Variants in ACER3 observed in about 807,000 individuals in gnomAD.
ACER3 encodes the protein alkCDase 3.
ACER3 carries 16 observed loss-of-function variants against 48.9 expected under a neutral mutation model. The observed-to-expected ratio is 0.33, with a 90% CI of 0.22 to 0.50. The LOEUF (loss-of-function observed/expected upper bound fraction) is 0.50, where lower values mean the gene tolerates loss of function less well. Ranked by LOEUF, ACER3 falls within the 20% of genes least tolerant of loss-of-function variation. The pLI, the probability that ACER3 is intolerant of heterozygous loss-of-function variation, is 0.98. For missense variants in ACER3, 227 were observed against 326.0 expected (o/e 0.70, Z 2.34); for synonymous variants, 109 against 107.8 (o/e 1.01, Z -0.07).
At chr11:76,913,418 T>C (rs1156741257) in intron 1 of ACER3, among the ~76,000 whole-genome samples, 3 of 152,198 alleles carry the variant, frequency 2.0e-5, no homozygotes, top group Non-Finnish European at 4.4e-5. Flanking sequence ...TGAATCGGAA[T>C]AGTGAGAGAG....
intron 2 of ACER3, among the ~76,000 whole-genome samples, chr11:76,950,820 G>C (rs1947645508): frequency 6.6e-6 from 1 of 152,086 alleles, no homozygotes; most frequent in Non-Finnish European, 1.5e-5. Flanking sequence ...GTTTTCTCTT[G>C]ATAGCCTTGT....
chr11:76,998,798 T>G lies in ACER3; in HGVS notation c.474T>G (p.Leu158=). The G allele has an allele frequency of 6.3e-7, 1 of 1,597,384 alleles. No individual in the cohort carries two copies. The highest frequency in any genetic ancestry group is 1.1e-5 in the South Asian group (1 of 87,878). The change falls in exon 7 of 11, where the codon CTT becomes CTG. Residue 158 remains leucine (L), a synonymous_variant. Coordinates refer to ENST00000532485, the MANE Select transcript of ACER3 (RefSeq NM_018367.7). ...MYGMLVFTLV[L]RSIYIVTWVY... ...GAATGTTGGTCTTTACATTAGTACT[T>G]CGATCTATTTATATTGTTACATGGT...
chr11:76,864,203 T>G (rs1945014350), intron 1 of ACER3, among the ~76,000 whole-genome samples: 1 of 152,194 alleles, frequency 6.6e-6, no homozygotes, highest in Non-Finnish European at 1.5e-5. Context: ...TTGAGCATAT[T>G]GTAAAGACCA....
At chr11:76,991,700 C>T (rs1344780357) in intron 6 of ACER3, among the ~76,000 whole-genome samples, 4 of 150,706 alleles carry the variant, frequency 2.7e-5, no homozygotes. Context: ...CCTGTAATCC[C>T]AACTACTTGG....
Position 76,926,626 on chromosome 11 carries a change from G to A in ACER3, c.173G>A (p.Gly58Asp). The A allele has an allele frequency of 1.9e-6, 3 of 1,607,518 alleles. No homozygotes were observed. Among genetic ancestry groups the A allele is most frequent in the East Asian group, 2.2e-5 (1 of 44,782 alleles). Reference protein sequence around the residue: ...MFGAVQSVRDGLEKRYIASYL... With the variant: ...MFGAVQSVRDDLEKRYIASYL... ...GGTGCAGTTCAGAGTGTTAGAGACGGTCTGGAAAAGCGGTACATTGCTTCT... is the reference window on the plus strand; with the variant it reads ...GGTGCAGTTCAGAGTGTTAGAGACGATCTGGAAAAGCGGTACATTGCTTCT... The change falls in exon 2 of 11, where the codon GGT becomes GAT. Residue 58 changes from glycine (G) to aspartate (D), a missense_variant. Physicochemically the swap from Gly to Asp is moderately conservative, Grantham distance 94. Transcript: ENST00000532485.
At chr11:76,992,478 T>C (rs763080293) in intron 6 of ACER3, among the ~76,000 whole-genome samples, 6 of 152,176 alleles carry the variant, frequency 3.9e-5, no homozygotes, top group Non-Finnish European at 8.8e-5. Context: ...TAATGAAGAT[T>C]TTCTTCCCTA....
chr11:77,001,773 T>G (rs1237904371), intron 7 of ACER3, among the ~76,000 whole-genome samples: 1 of 152,162 alleles, frequency 6.6e-6, no homozygotes, highest in African/African-American at 2.4e-5. Flanking sequence ...TAGCTGTAAG[T>G]TTTTTATAGA....
intron 2 of ACER3, among the ~76,000 whole-genome samples, chr11:76,943,930 G>C (rs1475841341): frequency 7.1e-6 from 1 of 140,170 alleles, no homozygotes; most frequent in South Asian, 2.3e-4. Flanking sequence ...TTTTTTTACT[G>C]TTTTTGATTT....
At chr11:77,005,301 T>C (rs1268199032) in intron 7 of ACER3, among the ~76,000 whole-genome samples, 1 of 152,182 alleles carries the variant, frequency 6.6e-6, no homozygotes, top group African/African-American at 2.4e-5. Context: ...GTGTCTATAG[T>C]GCTTATGTTT....
intron 1 of ACER3, among the ~76,000 whole-genome samples, chr11:76,881,850 A>G (rs1308273685): frequency 6.6e-6 from 1 of 152,028 alleles, no homozygotes; most frequent in Non-Finnish European, 1.5e-5. Context: ...ATAAATTTCT[A>G]TATTTCATTA....
At chr11:76,959,109 C>G (rs757783921) in intron 3 of ACER3, 78 bp downstream of exon 3, 2 of 1,606,106 alleles carry the variant, frequency 1.2e-6, no homozygotes, top group East Asian at 4.5e-5. Context: ...GAGCACATAA[C>G]TATGGCTAAA....
chr11:76,920,326 A>C (rs1338079602), intron 1 of ACER3, among the ~76,000 whole-genome samples: 1 of 152,188 alleles, frequency 6.6e-6, no homozygotes, highest in East Asian at 1.9e-4. Context: ...CCTAGAGGGC[A>C]GAGTTCTGAC....
chr11:76,926,773 A>ATATATTCTGAAACTTCTTAGTTAAAAC, intron 2 of ACER3, 106 bp downstream of exon 2: 1 of 688,240 alleles, frequency 1.5e-6, no homozygotes, highest in Non-Finnish European at 2.4e-6. Context: ...CATAACTTGA[A>ATATATTCTGAAACTTCTTAGTTAAAAC]TATATTCTGA....
intron 2 of ACER3, among the ~76,000 whole-genome samples, chr11:76,936,528 A>T (rs559337098): frequency 6.6e-6 from 1 of 152,312 alleles, no homozygotes; most frequent in African/African-American, 2.4e-5. Flanking sequence ...AAGAAAGGAA[A>T]AGGTTGACAA....
Position 77,020,394 on chromosome 11 carries a change from C to T in ACER3, c.*67C>T. 1 of 1,538,022 alleles carries T rather than the reference C, an allele frequency of 6.5e-7. No homozygotes were observed. The highest frequency in any genetic ancestry group is 8.9e-7 in the Non-Finnish European group (1 of 1,121,216). ...ACCTGGCAGAATAAATAAGGAAATCCTTAAAGATCTACAAGTTCAAATATG... is the reference window on the plus strand; with the variant it reads ...ACCTGGCAGAATAAATAAGGAAATCTTTAAAGATCTACAAGTTCAAATATG... On this transcript the variant is annotated 3_prime_UTR_variant, in exon 11 of 11. Transcript: ENST00000532485.
Position 77,023,084 on chromosome 11 carries a change from C to A in ACER3, c.*2757C>A. 2.5e-6 allele frequency: 1 copy of A among 398,542 alleles called. No homozygotes were observed. The highest frequency in any genetic ancestry group is 4.4e-6 in the Non-Finnish European group (1 of 226,032). The allele number at this position is 398,542 out of a possible 1,614,324, so 24.7% of individuals were successfully genotyped here. A position where few individuals can be genotyped will look rare whatever the true frequency, so the allele number is the denominator to read the frequency against. On this transcript the variant is annotated 3_prime_UTR_variant, in exon 11 of 11. Transcript: ENST00000532485. ...TGCCTGCCCACTACCTACTCCCCAC[C>A]ATGGTGTTTCATGAAACATCCCCAC...
At chr11:76,863,900 T>C (rs539776519) in intron 1 of ACER3, among the ~76,000 whole-genome samples, 5 of 152,210 alleles carry the variant, frequency 3.3e-5, no homozygotes, top group South Asian at 4.1e-4. Flanking sequence ...AAAGCTACTA[T>C]CCATGTTACC....
At position 77,022,856 on chromosome 11, in the gene ACER3, G is replaced by A. The variant is rs1393974213; in HGVS notation, c.*2529G>A. 3 of 288,992 alleles carry A rather than the reference G, an allele frequency of 1.0e-5. No homozygotes were observed. The highest frequency in any genetic ancestry group is 1.7e-4 in the South Asian group (1 of 5,862). 17.9% of individuals were successfully genotyped at this position (288,992 alleles called of 1,614,324 possible). A position where few individuals can be genotyped will look rare whatever the true frequency, so the allele number is the denominator to read the frequency against. The stretch of plus-strand genomic sequence containing the variant: ...GTGAGGCCGGGCATGGTGGCAGAGC[G>A]AGACTCCGTCTCAAAAAAAAAAAAA... On this transcript the variant is annotated 3_prime_UTR_variant, in exon 11 of 11. Coordinates refer to ENST00000532485, the MANE Select transcript of ACER3 (RefSeq NM_018367.7).
chr11:76,939,240 G>A (rs1218572181), intron 2 of ACER3, among the ~76,000 whole-genome samples: 5 of 152,188 alleles, frequency 3.3e-5, no homozygotes, highest in African/African-American at 1.2e-4. Context: ...TATTTGGTCA[G>A]AGTGTTTGGT....
Sources: allele counts gnomAD v4.1 joint callset (sites outside exome capture counted in the v4.1 genomes callset), GRCh38; gene constraint gnomAD v4.1.1; transcripts MANE v1.5; gene names NCBI Gene and HGNC (gene_info 2026-07-23, HGNC 2026-07-21).